Variants in CTNNA3 observed in about 807,000 individuals in gnomAD.
CTNNA3 encodes catenin alpha 3.
Under a neutral mutation model 95.7 loss-of-function variants are expected in CTNNA3, and 76 were observed. The ratio of observed to expected loss-of-function variants is 0.79; its 90% confidence interval spans 0.66 to 0.96. The LOEUF (loss-of-function observed/expected upper bound fraction) is 0.96. CTNNA3 is among the 40% of genes least tolerant of loss of function. The probability of loss-of-function intolerance (pLI) is 0.00; values close to 1 mark genes in which losing one functional copy is unlikely to be tolerated. For synonymous variants in CTNNA3, 431 were observed against 374.4 expected (o/e 1.15, Z -1.74); for missense variants, 1,191 against 1,089.8 (o/e 1.09, Z -1.31).
chr10:67,652,347 T>C (rs1014208713), intron 1 of CTNNA3, among the ~76,000 whole-genome samples: 9 of 152,212 alleles, frequency 5.9e-5, no homozygotes, highest in African/African-American at 1.9e-4. Flanking sequence ...AGGTCTACCA[T>C]TTCTCAGGGA....
chr10:65,955,814 A>G (rs1186210492), intron 17 of CTNNA3, among the ~76,000 whole-genome samples: 1 of 152,152 alleles, frequency 6.6e-6, no homozygotes, highest in Non-Finnish European at 1.5e-5. Context: ...GGATTTTGGC[A>G]TCAATGTTCA....
intron 3 of CTNNA3, among the ~76,000 whole-genome samples, chr10:67,602,314 T>C (rs1052716201): frequency 4.6e-5 from 7 of 152,176 alleles, no homozygotes; most frequent in African/African-American, 1.7e-4. Context: ...TAAAATTCCT[T>C]CCAAGCTTTT....
intron 7 of CTNNA3, among the ~76,000 whole-genome samples, chr10:67,146,060 T>A (rs1438837788): frequency 6.6e-6 from 1 of 152,090 alleles, no homozygotes; most frequent in East Asian, 1.9e-4. Flanking sequence ...TGGATCCATG[T>A]ACTGCACCTT....
chr10:66,418,159 C>A (rs1183761712), intron 11 of CTNNA3, among the ~76,000 whole-genome samples: 2 of 139,418 alleles, frequency 1.4e-5, no homozygotes, highest in African/African-American at 2.6e-5. Flanking sequence ...AAAGAGAAGA[C>A]CCAAATAAAC....
At chr10:66,031,047 C>G (rs184499295) in intron 15 of CTNNA3, among the ~76,000 whole-genome samples, 1 of 151,984 alleles carries the variant, frequency 6.6e-6, no homozygotes. Flanking sequence ...ATTAAAAAGT[C>G]GAAAACTGAT....
intron 7 of CTNNA3, among the ~76,000 whole-genome samples, chr10:67,039,433 T>C (rs1434422054): frequency 6.6e-6 from 1 of 152,130 alleles, no homozygotes; most frequent in Non-Finnish European, 1.5e-5. Context: ...CATTCGAATG[T>C]TCAGAAATTC....
intron 1 of CTNNA3, among the ~76,000 whole-genome samples, chr10:67,732,538 T>C (rs1361139847): frequency 1.3e-5 from 2 of 152,204 alleles, no homozygotes; most frequent in Non-Finnish European, 2.9e-5. Context: ...TAATTAAAAA[T>C]GCATTCTGTC....
intron 7 of CTNNA3, among the ~76,000 whole-genome samples, chr10:67,167,068 T>C (rs932194552): frequency 1.3e-5 from 2 of 150,878 alleles, no homozygotes; most frequent in African/African-American, 4.9e-5. Context: ...GATCGTGCCA[T>C]GGCACTCCAG....
At chr10:67,596,590 T>C (rs936249512) in intron 3 of CTNNA3, among the ~76,000 whole-genome samples, 20 of 152,242 alleles carry the variant, frequency 1.3e-4, no homozygotes, top group South Asian at 8.3e-4. Flanking sequence ...ATGCTGAATA[T>C]AGGCCTGTAG....
At chr10:67,257,884 A>T (rs1288620310) in intron 5 of CTNNA3, among the ~76,000 whole-genome samples, 2 of 152,226 alleles carry the variant, frequency 1.3e-5, no homozygotes, top group Non-Finnish European at 2.9e-5. Context: ...TGTGACTTCC[A>T]GAAGCTGAAA....
chr10:66,534,090 C>T (rs1005477652), intron 10 of CTNNA3, among the ~76,000 whole-genome samples: 4 of 152,132 alleles, frequency 2.6e-5, no homozygotes, highest in Non-Finnish European at 5.9e-5. Flanking sequence ...TTGATCCATC[C>T]TGTGCTCAAC....
intron 10 of CTNNA3, among the ~76,000 whole-genome samples, chr10:66,525,297 T>C (rs1365197453): frequency 6.6e-6 from 1 of 152,058 alleles, no homozygotes; most frequent in East Asian, 1.9e-4. Context: ...ACGATAATAA[T>C]AAAATACTAA....
chr10:66,540,945 C>G (rs147331566), intron 10 of CTNNA3, among the ~76,000 whole-genome samples: 1 of 152,008 alleles, frequency 6.6e-6, no homozygotes, highest in African/African-American at 2.4e-5. Context: ...CTTAACTTTA[C>G]GTAAGTCTTT....
chr10:67,627,286 C>G (rs528856485), intron 2 of CTNNA3, among the ~76,000 whole-genome samples: 2 of 152,168 alleles, frequency 1.3e-5, no homozygotes, highest in African/African-American at 4.8e-5. Flanking sequence ...ATTAGGTGTG[C>G]AAATCCAGGA....
At chr10:66,711,258 CAAAAAAAAA>C (rs56013857) in intron 9 of CTNNA3, among the ~76,000 whole-genome samples, 1 of 118,132 alleles carries the variant, frequency 8.5e-6, no homozygotes, top group East Asian at 2.5e-4. Context: ...GAACAAGAAA[CAAAAAAAAA>C]AAAAAAAAAG....
intron 7 of CTNNA3, among the ~76,000 whole-genome samples, chr10:67,060,136 C>T (rs189643698): frequency 3.9e-5 from 6 of 151,940 alleles, no homozygotes; most frequent in Admixed American, 1.3e-4. Context: ...GGCAACATGG[C>T]GAAACCCCAT....
intron 11 of CTNNA3, among the ~76,000 whole-genome samples, chr10:66,425,199 T>A (rs1272707890): frequency 6.6e-6 from 1 of 152,096 alleles, no homozygotes; most frequent in South Asian, 2.1e-4. Flanking sequence ...GCATAGTATA[T>A]CTATATTTAA....
At chr10:67,287,581 G>C (rs1839657992) in intron 5 of CTNNA3, among the ~76,000 whole-genome samples, 2 of 152,088 alleles carry the variant, frequency 1.3e-5, no homozygotes, top group Admixed American at 1.3e-4. Flanking sequence ...TTTATAGAAG[G>C]ATTTTTCTTC....
chr10:66,123,049 C>A (rs1473366855), intron 13 of CTNNA3, among the ~76,000 whole-genome samples: 1 of 152,146 alleles, frequency 6.6e-6, no homozygotes, highest in African/African-American at 2.4e-5. Context: ...ACCAATCATG[C>A]CTTCCCAGCA....
Sources: gnomAD v4.1 joint callset for allele counts (sites outside exome capture counted in the v4.1 genomes callset) on GRCh38, gnomAD v4.1.1 for gene constraint, MANE v1.5 for transcripts, NCBI Gene and HGNC (gene_info 2026-07-23, HGNC 2026-07-21) for gene names.